Variants in REDIC1 observed in about 807,000 individuals in gnomAD.
REDIC1 encodes the protein regulator of DNA class I crossover intermediates 1, also known as HEI10 Interacting Protein 1.
chr12:39,747,310 G>A, the REDIC1 span, among the ~76,000 whole-genome samples: 1 of 152,276 alleles, frequency 6.6e-6, no homozygotes, highest in East Asian at 1.9e-4. Context: ...TTGATCAACT[G>A]GAAGAAAGGG....
the REDIC1 span, among the ~76,000 whole-genome samples, chr12:39,819,152 G>A: frequency 6.6e-6 from 1 of 152,122 alleles, no homozygotes; most frequent in Non-Finnish European, 1.5e-5. Flanking sequence ...GGATATCCAT[G>A]TATCACACTT....
chr12:39,651,769 TTAAC>T, the REDIC1 span, among the ~76,000 whole-genome samples: 1 of 152,168 alleles, frequency 6.6e-6, no homozygotes, highest in Non-Finnish European at 1.5e-5. Context: ...CTAAACTTAT[TTAAC>T]TATGATAATG....
chr12:39,861,904 T>G, the REDIC1 span, among the ~76,000 whole-genome samples: 3 of 152,176 alleles, frequency 2.0e-5, no homozygotes, highest in African/African-American at 7.2e-5. Context: ...AGGATACATG[T>G]GCAGGACGTG....
At chr12:39,831,895 G>T in the REDIC1 span, among the ~76,000 whole-genome samples, 1 of 152,110 alleles carries the variant, frequency 6.6e-6, no homozygotes, top group Admixed American at 6.6e-5. Context: ...CCTGGAGAAC[G>T]ATGAGCCAAT....
At chr12:39,706,145 A>G in the REDIC1 span, among the ~76,000 whole-genome samples, 1 of 152,100 alleles carries the variant, frequency 6.6e-6, no homozygotes, top group Non-Finnish European at 1.5e-5. Flanking sequence ...ACATGCAAAA[A>G]TCAGTAGCAT....
the REDIC1 span, chr12:39,682,779 C>G: frequency 6.2e-7 from 1 of 1,612,994 alleles, no homozygotes; most frequent in Admixed American, 1.7e-5. Context: ...AAGATGTGAA[C>G]CAGTCTACTC....
the REDIC1 span, among the ~76,000 whole-genome samples, chr12:39,733,027 G>A: frequency 0.07 from 10,504 of 149,378 alleles, 1,280 homozygotes; most frequent in African/African-American, 0.25. Context: ...TTGGCCATTG[G>A]GTCATTATTT....
At chr12:39,863,867 T>A in the REDIC1 span, among the ~76,000 whole-genome samples, 1 of 152,176 alleles carries the variant, frequency 6.6e-6, no homozygotes, top group Non-Finnish European at 1.5e-5. Context: ...GAATACCAAG[T>A]GGAGTTTAGG....
At chr12:39,895,513 AT>A in the REDIC1 span, among the ~76,000 whole-genome samples, 4 of 3,396 alleles carry the variant, frequency 1.2e-3, no homozygotes, top group African/African-American at 3.0e-3. Context: ...AAAAAAAAAA[AT>A]TATATATATA....
At chr12:39,787,958 G>C in the REDIC1 span, among the ~76,000 whole-genome samples, 6 of 152,106 alleles carry the variant, frequency 3.9e-5, no homozygotes, top group African/African-American at 1.4e-4. Flanking sequence ...GTAATATATG[G>C]TACTGCCAAT....
the REDIC1 span, among the ~76,000 whole-genome samples, chr12:39,753,421 T>TCACAGAAATA: frequency 6.6e-6 from 1 of 152,186 alleles, no homozygotes; most frequent in Non-Finnish European, 1.5e-5. Context: ...GACTGTGAGA[T>TCACAGAAATA]CACAGAAATT....
chr12:39,883,467 A>G, the REDIC1 span, among the ~76,000 whole-genome samples: 1 of 152,176 alleles, frequency 6.6e-6, no homozygotes, highest in Non-Finnish European at 1.5e-5. Context: ...TTGTCTCCAA[A>G]GTTCCAAGTT....
At chr12:39,871,650 CT>C in the REDIC1 span, 3 of 637,528 alleles carry the variant, frequency 4.7e-6, no homozygotes, top group Non-Finnish European at 4.6e-6. Flanking sequence ...TTTTTTTTTT[CT>C]TTTTTGGTCT....
chr12:39,892,916 A>G, the REDIC1 span, among the ~76,000 whole-genome samples: 2 of 152,216 alleles, frequency 1.3e-5, no homozygotes, highest in Admixed American at 1.3e-4. Context: ...ATGTTAGCAA[A>G]GAAAAAAAGC....
chr12:39,765,572 A>G, the REDIC1 span, among the ~76,000 whole-genome samples: 1,019 of 152,120 alleles, frequency 6.7e-3, 13 homozygotes, highest in African/African-American at 0.023. Flanking sequence ...TTCAACCTCT[A>G]TCTTTGAACC....
chr12:39,631,572 T>G, the REDIC1 span, among the ~76,000 whole-genome samples: 1 of 152,150 alleles, frequency 6.6e-6, no homozygotes, highest in East Asian at 1.9e-4. Flanking sequence ...TTGTCAAGTT[T>G]TATCTTGTAA....
At chr12:39,650,139 A>AT in the REDIC1 span, 1 of 1,204,528 alleles carries the variant, frequency 8.3e-7, no homozygotes, top group Non-Finnish European at 1.1e-6. This position sits in a 1 kb window ranked among gnomAD's most constrained non-coding sequence, Gnocchi z 4.3. Flanking sequence ...ATTTTAAAAT[A>AT]TAAATGTAGT....
the REDIC1 span, among the ~76,000 whole-genome samples, chr12:39,666,329 G>A: frequency 6.6e-6 from 1 of 152,068 alleles, no homozygotes; most frequent in Non-Finnish European, 1.5e-5. Flanking sequence ...ATAATCATGT[G>A]GCTTTTGTTG....
the REDIC1 span, among the ~76,000 whole-genome samples, chr12:39,708,173 G>T: frequency 1.3e-5 from 2 of 151,738 alleles, no homozygotes; most frequent in Non-Finnish European, 2.9e-5. Context: ...GTAATTAGAT[G>T]ATTTGTAACC....
Sources: gnomAD v4.1 joint callset for allele counts (sites outside exome capture counted in the v4.1 genomes callset) on GRCh38, gnomAD v4.1.1 for gene constraint, Gnocchi (gnomAD v3.1) non-coding constraint, MANE v1.5 for transcripts, NCBI Gene and HGNC (gene_info 2026-07-23, HGNC 2026-07-21) for gene names.